Variants in TBC1D20 observed in about 807,000 individuals in gnomAD.
TBC1D20 encodes the protein chromosome 20 open reading frame 140.
TBC1D20 carries 12 observed loss-of-function variants against 41.6 expected under a neutral mutation model. The ratio of observed to expected loss-of-function variants is 0.29; its 90% confidence interval spans 0.18 to 0.47. The LOEUF is 0.47. TBC1D20 is among the 20% of genes least tolerant of loss of function. The pLI is 1.00. For synonymous variants in TBC1D20, 205 were observed against 204.8 expected, an observed-to-expected ratio of 1.00 and a Z score of -0.01; for missense variants, 421 against 517.4, an observed-to-expected ratio of 0.81 and a Z score of 1.81.
intron 1 of TBC1D20, among the ~76,000 whole-genome samples, chr20:461,921 C>T (rs2017637813): frequency 6.6e-6 from 1 of 152,258 alleles, no homozygotes; most frequent in South Asian, 2.1e-4. Flanking sequence ...AAGCCGGCGA[C>T]GGTGAATGCA....
intron 3 of TBC1D20, among the ~76,000 whole-genome samples, chr20:443,955 C>A (rs1156691275): frequency 6.6e-6 from 1 of 152,044 alleles, no homozygotes; most frequent in Admixed American, 6.6e-5. Context: ...GAAACCCCAT[C>A]TCTATTAAAA....
rs6052054 is a variant in TBC1D20, at chr20:445,810, C to T, written c.257-680G>A. 3.4e-4 allele frequency among the ~76,000 whole-genome samples: 52 copies of T among 152,348 alleles called. 1 individual carries two copies. The highest frequency in any genetic ancestry group is 1.3e-3 in the African/African-American group (52 of 41,576). ...TTTCTCTCACAACCCAAATCCAAAG[C>T]TAGTAAGGCTGGGCAACACTTCCTC... On this transcript the variant is annotated intron_variant, in intron 2 of 7. Coordinates refer to ENST00000354200, the MANE Select transcript of TBC1D20 (RefSeq NM_144628.4).
At chr20:454,512 C>A (rs2017508566) in intron 1 of TBC1D20, among the ~76,000 whole-genome samples, 2 of 151,902 alleles carry the variant, frequency 1.3e-5, no homozygotes. Context: ...GAAGATATCA[C>A]CAGAAGGTAG....
chr20:440,310 C>T lies in TBC1D20; in HGVS notation c.706G>A (p.Val236Met), dbSNP rs1399755085. Residue 236 changes from valine (V) to methionine (M), a missense_variant, in exon 6 of 8, where the codon GTG becomes ATG. Transcript: ENST00000354200. ...GHVLSDFRHVVRLYDFFLACH... is the reference protein window; with the variant it reads ...GHVLSDFRHVMRLYDFFLACH... ...GCCAGGAAGAAGTCATATAACCGCA[C>T]GACGTGCCTGAAGTCAGACAGGACA... 8 of 1,613,974 alleles carry T rather than the reference C, an allele frequency of 5.0e-6. No individual in the cohort carries two copies. The highest frequency in any genetic ancestry group is 5.9e-6 in the Non-Finnish European group (7 of 1,180,022).
At position 447,975 on chromosome 20, in the gene TBC1D20, T is replaced by G; in HGVS notation, c.170A>C (p.Glu57Ala). Residue 57 changes from glutamate to alanine, a missense_variant, in exon 2 of 8, where the codon GAA (glutamate) becomes GCA (alanine). This residue lies in a region of TBC1D20 where 150 missense variants were observed against 151.3 expected (regional missense o/e 0.99). Transcript: ENST00000354200. ...GATCTCATCAGTCAGGAGCCCTCCT[T>G]CACTGATAGCCATGCGTCTAAGGGC... ...VAALRRMAISEGGLLTDEIRR... is the reference protein window; with the variant it reads ...VAALRRMAISAGGLLTDEIRR... The G allele has an allele frequency of 6.2e-7, 1 of 1,614,216 alleles. No individual in the cohort carries two copies.
rs748086685 is a variant in TBC1D20, at chr20:438,702, G to A, written c.1096C>T (p.Arg366Cys). Residue 366 changes from arginine to cysteine, a missense_variant, in exon 8 of 8, where the codon CGC (arginine) becomes TGC (cysteine). Arg to Cys is a radical substitution (Grantham distance 180). Coordinates refer to ENST00000354200, the MANE Select transcript of TBC1D20 (RefSeq NM_144628.4). ...CCCATCACTGCCAATTTCACAAAGC[G>A]GTTGGTCCTTGGCTTGGTCAGGACA... is the stretch of plus-strand genomic sequence containing the variant. ...KDVLTKPRTN[R>C]FVKLAVMGLT... 1.2e-5 allele frequency: 20 copies of A among 1,614,086 alleles called. No homozygotes were observed. The highest frequency in any genetic ancestry group is 3.3e-5 in the Admixed American group (2 of 60,004).
chr20:442,973 G>A (rs1473384593), intron 3 of TBC1D20, among the ~76,000 whole-genome samples: 1 of 152,078 alleles, frequency 6.6e-6, no homozygotes, highest in African/African-American at 2.4e-5. Flanking sequence ...GGTGGCAGGC[G>A]CCTGTAGTCC....
intron 3 of TBC1D20, among the ~76,000 whole-genome samples, chr20:443,815 G>A (rs2122391436): frequency 1.3e-5 from 2 of 152,252 alleles, no homozygotes; most frequent in East Asian, 3.9e-4. Flanking sequence ...GGAATAAAGG[G>A]TTCAGAGGGA....
Position 437,632 on chromosome 20 carries a change from G to C in TBC1D20, c.*954C>G, listed in dbSNP as rs1394868005. ...GAGTAGGATGATTTGAGGAAAACAG[G>C]AAGAAAAACCGGTCAGAAAGTGGCA... On this transcript the variant is annotated 3_prime_UTR_variant, in exon 8 of 8. Transcript: ENST00000354200. 1 of 153,046 alleles carries C rather than the reference G, an allele frequency of 6.5e-6. No individual in the cohort carries two copies. Among genetic ancestry groups the C allele is most frequent in the Non-Finnish European group, 1.5e-5 (1 of 68,040 alleles). 9.5% of individuals were successfully genotyped at this position (153,046 alleles called of 1,614,324 possible). A position where few individuals can be genotyped will look rare whatever the true frequency, so the allele number is the denominator to read the frequency against.
At position 445,047 on chromosome 20, in the gene TBC1D20, C is replaced by G; in HGVS notation, c.337+3G>C. On this transcript the variant is annotated splice_donor_region_variant and intron_variant, in intron 3 of 7. Transcript: ENST00000354200. ...ATGTGGCAGGACCGGGAGAGCTTCT[C>G]ACCAGGAGGGAACCGCCGCAATGAC... 6.3e-7 allele frequency: 1 copy of G among 1,598,868 alleles called. No individual in the cohort carries two copies. Among genetic ancestry groups the G allele is most frequent in the Non-Finnish European group, 8.5e-7 (1 of 1,170,528 alleles).
At chr20:441,328 C>T in intron 5 of TBC1D20, 1 of 420,824 alleles carries the variant, frequency 2.4e-6, no homozygotes, top group Non-Finnish European at 4.3e-6. Context: ...AACATCTTAC[C>T]TTGGCATACA....
rs774147746 is a variant in TBC1D20, at chr20:435,531, A to T, written c.*3055T>A. ...TTATTAGAAAAGGATACAAATAAGT[A>T]AACAGCCAGATGAAGATACACACAG... is the stretch of plus-strand genomic sequence containing the variant. On this transcript the variant is annotated 3_prime_UTR_variant, in exon 8 of 8. Coordinates refer to ENST00000354200, the MANE Select transcript of TBC1D20 (RefSeq NM_144628.4). 3.3e-5 allele frequency: 5 copies of T among 153,678 alleles called. No individual in the cohort carries two copies. The highest frequency in any genetic ancestry group is 1.2e-4 in the African/African-American group (5 of 41,456). 9.5% of individuals were successfully genotyped at this position (153,678 alleles called of 1,614,324 possible).
chr20:440,629 G>C, intron 5 of TBC1D20: 1 of 430,468 alleles, frequency 2.3e-6, no homozygotes, highest in Non-Finnish European at 4.1e-6. Context: ...TCGCCTACTG[G>C]CCAACAAATG....
chr20:462,402 C>T lies in TBC1D20; in HGVS notation c.4G>A (p.Ala2Thr), dbSNP rs1049777240. 4 of 1,245,188 alleles carry T rather than the reference C, an allele frequency of 3.2e-6. No homozygotes were observed. Among genetic ancestry groups the T allele is most frequent in the Non-Finnish European group, 4.1e-6 (4 of 986,578 alleles). The allele number at this position is 1,245,188 out of a possible 1,614,324, so 77.1% of individuals were successfully genotyped here. The change falls in exon 1 of 8, where the codon GCC becomes ACC. Residue 2 changes from alanine (A) to threonine (T), a missense_variant. Transcript: ENST00000354200. MALRSAQGDGPT... is the reference protein window; with the variant it reads MTLRSAQGDGPT... ...CCGTCGCCCTGCGCACTCCGGAGGG[C>T]CATGCCCCGGGGCCCCGGGCCCCCA...
At chr20:446,353 C>CT (rs528213180) in intron 2 of TBC1D20, among the ~76,000 whole-genome samples, 84 of 151,594 alleles carry the variant, frequency 5.5e-4, no homozygotes, top group South Asian at 3.8e-3. Context: ...AGGGTGTTTT[C>CT]TTTTTTTTTG....
rs184080145 is a variant in TBC1D20 at position 451,007 on chromosome 20, A to C, written c.71-2933T>G. On this transcript the variant is annotated intron_variant, in intron 1 of 7. Transcript: ENST00000354200. ...CTTTCTAGTTGCCAGTACCATTGAGAAAATATGTCAAAAACACAAGAAATG... is the reference window on the plus strand; with the variant it reads ...CTTTCTAGTTGCCAGTACCATTGAGCAAATATGTCAAAAACACAAGAAATG... 3.3e-5 allele frequency among the ~76,000 whole-genome samples: 5 copies of C among 152,302 alleles called. 1 individual carries two copies. The East Asian group carries it at 9.6e-4, about 29-fold the overall frequency.
chr20:462,240 C>A, intron 1 of TBC1D20, 96 bp downstream of exon 1: 1 of 900,024 alleles, frequency 1.1e-6, no homozygotes, highest in Non-Finnish European at 1.4e-6. Flanking sequence ...CCCCGGGTCC[C>A]CAGCCCGCGC....
At chr20:462,287 C>G (rs1415198854) in intron 1 of TBC1D20, 49 bp downstream of exon 1, 1 of 1,231,062 alleles carries the variant, frequency 8.1e-7, no homozygotes, top group Non-Finnish European at 1.0e-6. Flanking sequence ...CCCCTGCCCC[C>G]CGGGCCGCCC....
rs1345748355 is a variant in TBC1D20, at chr20:447,988, T to C, written c.157A>G (p.Met53Val). The C allele has an allele frequency of 6.2e-6, 10 of 1,614,072 alleles. No homozygotes were observed. Among genetic ancestry groups the C allele is most frequent in the Admixed American group, 5.0e-5 (3 of 60,006 alleles). The change falls in exon 2 of 8, where the codon ATG (methionine) becomes GTG (valine). Residue 53 changes from methionine (M) to valine (V), a missense_variant. Transcript: ENST00000354200. ...DPTDVAALRR[M>V]AISEGGLLTD... The stretch of plus-strand genomic sequence containing the variant: ...AGGAGCCCTCCTTCACTGATAGCCA[T>C]GCGTCTAAGGGCAGCCACATCAGTG...
Sources: gnomAD v4.1 joint callset for allele counts (sites outside exome capture counted in the v4.1 genomes callset) on GRCh38, gnomAD v4.1.1 for gene constraint, gnomAD v4.1.1 regional missense constraint, MANE v1.5 for transcripts, NCBI Gene and HGNC (gene_info 2026-07-23, HGNC 2026-07-21) for gene names.